The following ELL variants were observed in gnomAD, a reference collection of about 807,000 sequenced individuals.
ELL encodes the protein elongation factor for RNA polymerase II.
In ELL, 18 loss-of-function variants were observed where a neutral mutation model predicts 64.0. That is an observed-to-expected ratio of 0.28 (90% CI 0.19 to 0.42). ELL has a LOEUF of 0.42. ELL is among the 10% of genes least tolerant of loss of function. The probability of loss-of-function intolerance (pLI) is 1.00; values close to 1 mark genes in which losing one functional copy is unlikely to be tolerated. For synonymous variants in ELL, 399 were observed against 376.2 expected (o/e 1.06, Z -0.70); for missense variants, 797 against 870.4 (o/e 0.92, Z 1.06).
At position 18,472,759 on chromosome 19, in the gene ELL, C is replaced by T. The variant is rs1370461766; in HGVS notation, c.183+76G>A. On this transcript the variant is annotated intron_variant, in intron 2 of 11. Transcript: ENST00000262809. ...AACACTGCCATGAGCTGCTGCTGTACCCAGCGAGCAAGGACAGACCTGAGA... is the reference window on the plus strand; with the variant it reads ...AACACTGCCATGAGCTGCTGCTGTATCCAGCGAGCAAGGACAGACCTGAGA... 10 of 1,517,518 alleles carry T rather than the reference C, an allele frequency of 6.6e-6. No homozygotes were observed. The African/African-American group carries it at 1.1e-4, about 17-fold the overall frequency. 94.0% of individuals were successfully genotyped at this position (1,517,518 alleles called of 1,614,324 possible). A position where few individuals can be genotyped will look rare whatever the true frequency, so the allele number is the denominator to read the frequency against.
At chr19:18,451,051 T>C in intron 7 of ELL, 76 bp from the exon 8 acceptor site, 15 of 1,430,374 alleles carry the variant, frequency 1.0e-5, no homozygotes, top group Non-Finnish European at 1.4e-5. Context: ...CTGGCCTGGC[T>C]AGAAAACCCA....
At chr19:18,445,311 G>A (rs368499326) in intron 10 of ELL, 43 bp from the exon 11 acceptor site, 118 of 1,578,060 alleles carry the variant, frequency 7.5e-5, no homozygotes, top group Admixed American at 1.5e-4. Context: ...ATGTGTCCCC[G>A]CCTACAGGAA....
intron 4 of ELL, among the ~76,000 whole-genome samples, chr19:18,464,388 C>A (rs935977401): frequency 6.6e-6 from 1 of 152,142 alleles, no homozygotes; most frequent in Non-Finnish European, 1.5e-5. Context: ...AAACAAAAAA[C>A]AAAACACGCT....
Position 18,509,592 on chromosome 19 carries a change from C to T in ELL, c.135+12329G>A, listed in dbSNP as rs556157661. 3.5e-4 allele frequency among the ~76,000 whole-genome samples: 27 copies of T among 76,696 alleles called. 1 individual carries two copies. The South Asian group carries it at 3.6e-3, about 10-fold the overall frequency. 50.3% of individuals were successfully genotyped at this position (76,696 alleles called of 152,430 possible). Reference sequence around the variant, plus strand: ...ACAGGCCAATGCACGTGCGCGCGCGCGCACATACACACACACACACACACA... The same window carrying T: ...ACAGGCCAATGCACGTGCGCGCGCGTGCACATACACACACACACACACACA... On this transcript the variant is annotated intron_variant, in intron 1 of 11. Transcript: ENST00000262809.
chr19:18,480,554 G>C (rs1007066783), intron 1 of ELL, among the ~76,000 whole-genome samples: 1 of 152,246 alleles, frequency 6.6e-6, no homozygotes, highest in African/African-American at 2.4e-5. Context: ...AGCAGGCCAG[G>C]TGGGCCTGTA....
At chr19:18,505,645 C>T (rs927452996) in intron 1 of ELL, among the ~76,000 whole-genome samples, 5 of 152,108 alleles carry the variant, frequency 3.3e-5, no homozygotes, top group African/African-American at 4.8e-5. Flanking sequence ...GTGTGACTGG[C>T]GCCTTGCAAG....
At chr19:18,519,231 C>CA (rs781417623) in intron 1 of ELL, among the ~76,000 whole-genome samples, 1,548 of 106,476 alleles carry the variant, frequency 0.015, 12 homozygotes, top group Middle Eastern at 0.064. Flanking sequence ...GACTCCGTCT[C>CA]AAAAAAAAAA....
In ELL at chr19:18,450,489, C is replaced by G. The variant is rs1390595499; in HGVS notation, c.1453G>C (p.Ala485Pro). ...CCTGGGCACCTACCTGGGGTGTCTG[C>G]TGGGGCTCCGGGGGTGGCATGGGTG... ...PATHATPGAP[A>P]DTPGLNGTCS... The change falls in exon 8 of 12, where the codon GCA becomes CCA. Residue 485 changes from alanine (A) to proline (P), a missense_variant. Transcript: ENST00000262809. 1 of 1,612,774 alleles carries G rather than the reference C, an allele frequency of 6.2e-7. No homozygotes were observed. The highest frequency in any genetic ancestry group is 8.5e-7 in the Non-Finnish European group (1 of 1,179,804).
At chr19:18,465,676 G>A (rs945335668) in intron 3 of ELL, 101 bp from the exon 4 acceptor site, 11 of 1,480,724 alleles carry the variant, frequency 7.4e-6, no homozygotes, top group Non-Finnish European at 9.0e-6. Flanking sequence ...CTGGAAAATG[G>A]ACTCTGTCAA....
intron 1 of ELL, among the ~76,000 whole-genome samples, chr19:18,490,738 G>GC (rs1236877661): frequency 1.3e-5 from 2 of 152,284 alleles, no homozygotes; most frequent in African/African-American, 4.8e-5. Flanking sequence ...AGACAGCGCT[G>GC]CCCCGTGCCA....
At chr19:18,463,972 C>G (rs555467511) in intron 4 of ELL, among the ~76,000 whole-genome samples, 1 of 142,898 alleles carries the variant, frequency 7.0e-6, no homozygotes, top group African/African-American at 2.7e-5. Flanking sequence ...GGCGACAGAC[C>G]GCGACTCCAT....
At chr19:18,452,837 C>T (rs374847605) in intron 6 of ELL, among the ~76,000 whole-genome samples, 1 of 152,224 alleles carries the variant, frequency 6.6e-6, no homozygotes, top group Non-Finnish European at 1.5e-5. Context: ...TAGGGCACAT[C>T]GGGATTCAGA....
chr19:18,485,971 G>C (rs1004168136), intron 1 of ELL, among the ~76,000 whole-genome samples: 22 of 150,968 alleles, frequency 1.5e-4, no homozygotes, highest in African/African-American at 4.9e-4. Context: ...GGGCGACAGA[G>C]CGAGACTCTG....
chr19:18,463,325 CTTTTTTTT>C (rs34610795), intron 4 of ELL, among the ~76,000 whole-genome samples: 7 of 73,272 alleles, frequency 9.6e-5, no homozygotes, highest in South Asian at 5.1e-4. Flanking sequence ...ACATTCACAT[CTTTTTTTT>C]TTTTTTTTTT....
intron 1 of ELL, among the ~76,000 whole-genome samples, chr19:18,512,067 A>G (rs1013075933): frequency 1.3e-5 from 2 of 151,916 alleles, no homozygotes; most frequent in Admixed American, 1.3e-4. Context: ...AGGCAGGGGA[A>G]TCGCTTGAAC....
chr19:18,461,156 C>G (rs1373070711), intron 5 of ELL, among the ~76,000 whole-genome samples: 1 of 152,208 alleles, frequency 6.6e-6, no homozygotes, highest in Admixed American at 6.5e-5. Context: ...CCCGGAGGCG[C>G]AGGTGGAGGG....
chr19:18,486,927 G>A (rs990841432), intron 1 of ELL, among the ~76,000 whole-genome samples: 2 of 152,136 alleles, frequency 1.3e-5, no homozygotes, highest in Non-Finnish European at 2.9e-5. Flanking sequence ...TTGGCATCGG[G>A]TCCTGCCTGC....
At chr19:18,475,607 G>C (rs1215918262) in intron 1 of ELL, among the ~76,000 whole-genome samples, 1 of 152,212 alleles carries the variant, frequency 6.6e-6, no homozygotes, top group African/African-American at 2.4e-5. Context: ...GTCAACTGGT[G>C]GAGAGAGAAT....
intron 2 of ELL, among the ~76,000 whole-genome samples, chr19:18,467,640 CACACA>C (rs1490223329): frequency 2.5e-5 from 1 of 39,420 alleles, no homozygotes; most frequent in African/African-American, 4.8e-4. Context: ...ACCACACACA[CACACA>C]CACACACACA....
Sources: gnomAD v4.1 joint callset for allele counts (sites outside exome capture counted in the v4.1 genomes callset) on GRCh38, gnomAD v4.1.1 for gene constraint, MANE v1.5 for transcripts, NCBI Gene and HGNC (gene_info 2026-07-23, HGNC 2026-07-21) for gene names.